Variants in FANCD2 observed in about 807,000 individuals in gnomAD.
FANCD2 encodes FA complementation group D2, also known as Fanconi anemia group D2 protein.
FANCD2 carries 131 observed loss-of-function variants against 192.3 expected under a neutral mutation model. The observed-to-expected ratio is 0.68, with a 90% CI of 0.59 to 0.79. FANCD2 has a LOEUF of 0.79. Ranked by LOEUF, FANCD2 falls within the 30% of genes least tolerant of loss-of-function variation. The pLI is 0.00. For missense variants in FANCD2, 1,508 were observed against 1,701.6 expected (o/e 0.89, Z 2.00); for synonymous variants, 524 against 612.5 (o/e 0.86, Z 2.13).
At chr3:10,069,579 A>AGCCT (rs1693051959) in intron 26 of FANCD2, among the ~76,000 whole-genome samples, 2 of 149,108 alleles carry the variant, frequency 1.3e-5, no homozygotes, top group South Asian at 4.2e-4. Context: ...CTCCTGCCTC[A>AGCCT]GCCTGCCGAG....
chr3:10,081,632 G>GT, intron 32 of FANCD2, 168 bp downstream of exon 32: 3 of 702,744 alleles, frequency 4.3e-6, no homozygotes. Flanking sequence ...ATTTGATCTT[G>GT]TACCCTCTGA....
chr3:10,069,296 A>C lies in FANCD2; in HGVS notation c.2494+1979A>C, dbSNP rs144167156. 8.1e-4 allele frequency among the ~76,000 whole-genome samples: 123 copies of C among 152,112 alleles called. No individual in the cohort carries two copies. In the East Asian group the frequency reaches 0.013, roughly 16 times the overall value. ...ATAACTGGAATATATAAAGATAGGA[A>C]AAAAAATTATTCGGATTGAAAAATG... On this transcript the variant is annotated intron_variant, in intron 26 of 43. Transcript: ENST00000675286.
chr3:10,039,875 G>A (rs769155337), intron 9 of FANCD2, 30 bp downstream of exon 9: 1 of 1,613,766 alleles, frequency 6.2e-7, no homozygotes, highest in Non-Finnish European at 8.5e-7. Flanking sequence ...TCATCTAAGT[G>A]AGGCTCAGCT....
rs148211192 is a variant in FANCD2, at chr3:10,101,228, A to G, written c.4322A>G (p.Gln1441Arg). The change falls in exon 44 of 44, where the codon CAA becomes CGA. Residue 1441 changes from glutamine to arginine, a missense_variant. By Grantham distance (43) the Gln-to-Arg change is conservative. Around this residue, in one of 5 missense-constraint regions of FANCD2, gnomAD observed 796 missense variants for 879.4 expected, o/e 0.91. Transcript: ENST00000675286. ...EDEVSAGEKE[Q>R]DSDESYDDSD The stretch of plus-strand genomic sequence containing the variant: ...GAAGTAAGTGCTGGAGAAAAGGAGC[A>G]AGATAGTGATGAGAGTTATGATGAC... 18 of 1,613,374 alleles carry G rather than the reference A, an allele frequency of 1.1e-5. No individual in the cohort carries two copies. The highest frequency in any genetic ancestry group is 6.7e-5 in the Admixed American group (4 of 59,948).
intron 10 of FANCD2, 42 bp from the exon 11 acceptor site, chr3:10,042,517 T>C: frequency 7.1e-7 from 1 of 1,411,832 alleles, no homozygotes; most frequent in Middle Eastern, 1.8e-4. Context: ...GTTGAGGTAG[T>C]GACATGAAAA....
chr3:10,059,363 T>C (rs1360477392), intron 18 of FANCD2, among the ~76,000 whole-genome samples: 1 of 152,230 alleles, frequency 6.6e-6, no homozygotes, highest in African/African-American at 2.4e-5. Flanking sequence ...TAGTTCATTA[T>C]TTTGGCTGAG....
At chr3:10,036,521 AATAG>A (rs1399289187) in intron 7 of FANCD2, among the ~76,000 whole-genome samples, 182 bp downstream of exon 7, 8 of 152,184 alleles carry the variant, frequency 5.3e-5, no homozygotes, top group African/African-American at 1.7e-4. Context: ...ACTTTGTAAA[AATAG>A]ATAGGATTAC....
At chr3:10,097,106 G>C (rs1466507233) in intron 42 of FANCD2, among the ~76,000 whole-genome samples, 1 of 152,188 alleles carries the variant, frequency 6.6e-6, no homozygotes, top group African/African-American at 2.4e-5. Flanking sequence ...TGTGCGAATA[G>C]GTGTGGGTGA....
At chr3:10,075,360 C>T (rs552024889) in intron 29 of FANCD2, among the ~76,000 whole-genome samples, 1 of 152,020 alleles carries the variant, frequency 6.6e-6, no homozygotes, top group African/African-American at 2.4e-5. Context: ...ATTTTTTGTA[C>T]ATTTTTTATA....
chr3:10,041,190 AC>A (rs1559374006), intron 9 of FANCD2: 1 of 234,384 alleles, frequency 4.3e-6, no homozygotes. Context: ...TCAGAGTAAG[AC>A]CCTGTCTCAA....
chr3:10,041,295 T>C lies in FANCD2; in HGVS notation c.696-328T>C, dbSNP rs990393710. ...CACCTACATGTGTCTCTCATACTTA[T>C]CAGATTTCATTGTAAATGTTTTGGG... On this transcript the variant is annotated intron_variant, in intron 9 of 43. Coordinates refer to ENST00000675286, the MANE Select transcript of FANCD2 (RefSeq NM_001018115.3). 4.2e-5 allele frequency: 13 copies of C among 309,864 alleles called. 1 individual carries two copies. Among genetic ancestry groups the C allele is most frequent in the South Asian group, 9.1e-5 (3 of 33,118 alleles). The allele number at this position is 309,864 out of a possible 1,614,324, so 19.2% of individuals were successfully genotyped here.
intron 26 of FANCD2, among the ~76,000 whole-genome samples, chr3:10,072,104 A>G (rs370641152): frequency 6.6e-6 from 1 of 152,184 alleles, no homozygotes. Context: ...ACAGTCAACA[A>G]TAACTTACTG....
chr3:10,046,123 G>A (rs908471769), intron 14 of FANCD2, among the ~76,000 whole-genome samples: 10 of 144,978 alleles, frequency 6.9e-5, no homozygotes, highest in African/African-American at 2.4e-4. Context: ...GCGCGATCTC[G>A]GCTCACTGTA....
intron 19 of FANCD2, 100 bp from the exon 20 acceptor site, chr3:10,062,051 A>G (rs2087584644): frequency 3.8e-6 from 3 of 791,472 alleles, no homozygotes; most frequent in Non-Finnish European, 6.2e-6. Context: ...GCACACCAAC[A>G]TGGCACATGT....
rs368501428 is a variant in FANCD2, at chr3:10,039,350, A to T, written c.563A>T (p.Asp188Val). The T allele has an allele frequency of 4.3e-6, 7 of 1,612,274 alleles. No homozygotes were observed. In the African/African-American group the frequency reaches 8.0e-5, roughly 18 times the overall value. ...SQLKWLDRVV[D>V]GKDLTTKIMQ... is the part of the protein sequence containing the mutation. ...CTAAAATGGCTTGACAGAGTTGTGG[A>T]TGGCAAGGTAGGCTTATGGACTTTA... is the stretch of plus-strand genomic sequence containing the variant. The change falls in exon 8 of 44, where the codon GAT becomes GTT. Residue 188 changes from aspartate (D) to valine (V), a missense_variant. Coordinates refer to ENST00000675286, the MANE Select transcript of FANCD2 (RefSeq NM_001018115.3).
rs186669893 is a variant in FANCD2 at position 10,061,157 on chromosome 3, G to T, written c.1766+754G>T. Among the ~76,000 whole-genome samples the T allele has an allele frequency of 2.0e-4, 30 of 152,226 alleles. No homozygotes were observed. In the East Asian group the frequency reaches 5.6e-3, roughly 28 times the overall value. ...ATCAGTACTGCACAAAGCCCTCTTC[G>T]GCATACAGCATACATCATAAATACT... On this transcript the variant is annotated intron_variant, in intron 19 of 43. Coordinates refer to ENST00000675286, the MANE Select transcript of FANCD2 (RefSeq NM_001018115.3).
chr3:10,037,087 C>T (rs1465484335), intron 7 of FANCD2, among the ~76,000 whole-genome samples: 2 of 151,676 alleles, frequency 1.3e-5, no homozygotes, highest in Non-Finnish European at 2.9e-5. Flanking sequence ...CTCAAGTGGT[C>T]CACCTGCCTT....
chr3:10,084,290 C>CTTTT (rs112071263), intron 32 of FANCD2, among the ~76,000 whole-genome samples: 1 of 142,858 alleles, frequency 7.0e-6, no homozygotes, highest in African/African-American at 2.6e-5. Flanking sequence ...CTACACCTGG[C>CTTTT]TTTTTTTTTT....
Position 10,034,523 on chromosome 3 carries a change from C to G in FANCD2, c.260C>G (p.Pro87Arg), listed in dbSNP as rs925093701. Residue 87 changes from proline (P) to arginine (R), a missense_variant, in exon 4 of 44, where the codon CCT becomes CGT. Pro to Arg is a moderately radical substitution (Grantham distance 103, BLOSUM62 -2). Coordinates refer to ENST00000675286, the MANE Select transcript of FANCD2 (RefSeq NM_001018115.3). ...KKLFQTLRRH[P>R]SYPKIIEEFV... Reference sequence around the variant, plus strand: ...CTCTTTCAGACCCTGAGGAGACACCCTTCCTATCCCAAAGTATGTATTTTT... The same window carrying G: ...CTCTTTCAGACCCTGAGGAGACACCGTTCCTATCCCAAAGTATGTATTTTT... 2 of 1,610,604 alleles carry G rather than the reference C, an allele frequency of 1.2e-6. No individual in the cohort carries two copies. The highest frequency in any genetic ancestry group is 2.7e-5 in the African/African-American group (2 of 74,804).
Sources: allele counts gnomAD v4.1 joint callset (sites outside exome capture counted in the v4.1 genomes callset), GRCh38; gene constraint gnomAD v4.1.1; regional missense constraint gnomAD v4.1.1; transcripts MANE v1.5; gene names NCBI Gene and HGNC (gene_info 2026-07-23, HGNC 2026-07-21).